Variants in GALC observed in about 807,000 individuals in gnomAD.
GALC encodes the protein galactosylceramidase, also known as galactocerebrosidase.
In GALC, 77 loss-of-function variants were observed where a neutral mutation model predicts 91.8. The ratio of observed to expected loss-of-function variants is 0.84; its 90% CI spans 0.70 to 1.01. The LOEUF (loss-of-function observed/expected upper bound fraction) is 1.01, where lower values mean the gene tolerates loss of function less well. GALC is among the 50% of genes least tolerant of loss of function. The pLI is 0.00. For missense variants in GALC, 882 were observed against 855.9 expected (o/e 1.03, Z -0.38); for synonymous variants, 357 against 306.7 (o/e 1.16, Z -1.71).
chr14:87,954,748 G>T (rs1337075813), intron 10 of GALC: 6 of 1,570,302 alleles, frequency 3.8e-6, no homozygotes, highest in Non-Finnish European at 3.5e-6. Flanking sequence ...GTTCTCTGAA[G>T]AGTATTTCTT....
chr14:87,968,268 T>C (rs1427223268), intron 8 of GALC, 67 bp downstream of exon 8: 3 of 1,375,812 alleles, frequency 2.2e-6, no homozygotes, highest in Non-Finnish European at 3.0e-6. Flanking sequence ...GGAATTCCAT[T>C]TTTTTCTAAC....
At chr14:87,936,565 G>A (rs1014361080) in intron 16 of GALC, among the ~76,000 whole-genome samples, 16 of 151,712 alleles carry the variant, frequency 1.1e-4, no homozygotes, top group African/African-American at 3.9e-4. Flanking sequence ...GCCAACCCCT[G>A]TCCTAGAAGA....
In GALC at chr14:87,993,054, C is replaced by T. The variant is rs1411845926; in HGVS notation, c.111G>A (p.Leu37=). 1 of 1,563,926 alleles carries T rather than the reference C, an allele frequency of 6.4e-7. No individual in the cohort carries two copies. The highest frequency in any genetic ancestry group is 8.6e-7 in the Non-Finnish European group (1 of 1,156,848). Residue 37 remains leucine (L), a synonymous_variant, in exon 1 of 17, where the codon CTG becomes CTA. Transcript: ENST00000261304. ...CGAGCACGTACGCGCCGCCGGGCGC[C>T]AGCAGCGCACACAGCAGCAAGGGCA... ...AAVPLLLCAL[L]APGGAYVLDD...
chr14:87,988,295 C>A, intron 2 of GALC, 88 bp from the exon 3 acceptor site: 1 of 1,369,372 alleles, frequency 7.3e-7, no homozygotes, highest in East Asian at 2.3e-5. Flanking sequence ...GTTTTACAGA[C>A]GCAAAAACAA....
At chr14:87,971,812 T>C (rs1886303743) in intron 7 of GALC, among the ~76,000 whole-genome samples, 1 of 152,052 alleles carries the variant, frequency 6.6e-6, no homozygotes, top group Non-Finnish European at 1.5e-5. Context: ...GTTTAAGCAA[T>C]AACAATTTCA....
intron 6 of GALC, among the ~76,000 whole-genome samples, chr14:87,978,815 A>G (rs1441091363): frequency 6.6e-6 from 1 of 151,396 alleles, no homozygotes; most frequent in African/African-American, 2.4e-5. Context: ...TAAATCTTAC[A>G]TATCAGTAGC....
At chr14:87,993,221 A>G, upstream of GALC, 1 of 1,548,204 alleles carries the variant, frequency 6.5e-7, no homozygotes, top group Non-Finnish European at 8.7e-7. Flanking sequence ...CCGCCACGAT[A>G]GATACGGGCA....
At chr14:87,949,451 G>A (rs980365779) in intron 12 of GALC, among the ~76,000 whole-genome samples, 4 of 152,114 alleles carry the variant, frequency 2.6e-5, no homozygotes, top group African/African-American at 9.6e-5. Context: ...AGTGTGATGG[G>A]TGACCTGGAA....
At chr14:87,948,926 G>T (rs1306818211) in intron 12 of GALC, among the ~76,000 whole-genome samples, 1 of 152,006 alleles carries the variant, frequency 6.6e-6, no homozygotes, top group Non-Finnish European at 1.5e-5. Context: ...GCTTGTTTGG[G>T]CCAATTCGTT....
chr14:87,957,997 TA>T (rs1885630215), intron 10 of GALC, among the ~76,000 whole-genome samples: 2 of 152,160 alleles, frequency 1.3e-5, no homozygotes, highest in Admixed American at 1.3e-4. Flanking sequence ...TTCACAGAAT[TA>T]GAAAAAACAA....
intron 16 of GALC, 33 bp from the exon 17 acceptor site, chr14:87,934,911 A>G: frequency 6.6e-7 from 1 of 1,509,992 alleles, no homozygotes; most frequent in Non-Finnish European, 9.2e-7. Flanking sequence ...CCTTGAAACC[A>G]TATGAAAATG....
rs777444526 is a variant in GALC, at chr14:87,950,788, T to C, written c.1162-40A>G. The C allele has an allele frequency of 4.4e-6, 6 of 1,377,032 alleles. No individual in the cohort carries two copies. The Admixed American group carries it at 1.0e-4, about 24-fold the overall frequency. The allele number at this position is 1,377,032 out of a possible 1,614,324, so 85.3% of individuals were successfully genotyped here. A position where few individuals can be genotyped will look rare whatever the true frequency, so the allele number is the denominator to read the frequency against. On this transcript the variant is annotated intron_variant, in intron 10 of 16. Transcript: ENST00000261304. ...TCACATACATTATCCAAATGATGTA[T>C]AAGCTACCTTAGGGGAAAAAAAGTT...
At chr14:87,987,429 G>C (rs1441297997) in intron 3 of GALC, among the ~76,000 whole-genome samples, 1 of 152,162 alleles carries the variant, frequency 6.6e-6, no homozygotes, top group East Asian at 1.9e-4. Flanking sequence ...TTCTGTTATG[G>C]GGGTTTCTTT....
intron 3 of GALC, 78 bp downstream of exon 3, chr14:87,988,066 T>G (rs1425872992): frequency 2.8e-6 from 3 of 1,089,562 alleles, no homozygotes; most frequent in South Asian, 1.2e-5. Flanking sequence ...TTTACACATA[T>G]TCTGAAATCA....
intron 1 of GALC, chr14:87,992,760 A>C: frequency 7.1e-7 from 1 of 1,413,382 alleles, no homozygotes; most frequent in Non-Finnish European, 9.2e-7. Context: ...TTCAAACCTA[A>C]CTGCCTGTCT....
chr14:87,956,409 A>G (rs1566981906), intron 10 of GALC, among the ~76,000 whole-genome samples: 3 of 151,898 alleles, frequency 2.0e-5, no homozygotes, highest in Admixed American at 2.0e-4. Flanking sequence ...TTGCTACCAT[A>G]TATTATATAT....
At chr14:87,957,981 T>C (rs1885629445) in intron 10 of GALC, among the ~76,000 whole-genome samples, 1 of 151,936 alleles carries the variant, frequency 6.6e-6, no homozygotes, top group Non-Finnish European at 1.5e-5. Flanking sequence ...AATACCAACA[T>C]CATCTTTCAC....
At chr14:87,946,761 T>A (rs1885089816) in intron 13 of GALC, among the ~76,000 whole-genome samples, 1 of 151,922 alleles carries the variant, frequency 6.6e-6, no homozygotes, top group Non-Finnish European at 1.5e-5. Flanking sequence ...TGGGTTTATC[T>A]AAGAGGCCAT....
chr14:87,941,372 TA>T (rs34752717), intron 15 of GALC, 22 bp downstream of exon 15: 35,423 of 1,226,916 alleles, frequency 0.029, 2 homozygotes, highest in Non-Finnish European at 0.031. Flanking sequence ...CATATGCTAT[TA>T]AAAAAAAAAA....
Sources: allele counts gnomAD v4.1 joint callset (sites outside exome capture counted in the v4.1 genomes callset), GRCh38; gene constraint gnomAD v4.1.1; transcripts MANE v1.5; gene names NCBI Gene and HGNC (gene_info 2026-07-23, HGNC 2026-07-21).